The following LRRC2 variants were observed in gnomAD, a reference collection of about 807,000 sequenced individuals.
The protein encoded by LRRC2 is leucine rich repeat containing 2, also known as leucine-rich repeat-containing protein 2.
LRRC2 carries 27 observed loss-of-function variants against 40.2 expected under a neutral mutation model. The observed-to-expected ratio is 0.67, with a 90% confidence interval of 0.49 to 0.93. The LOEUF (loss-of-function observed/expected upper bound fraction) is 0.93, where lower values mean the gene tolerates loss of function less well. Ranked by LOEUF, LRRC2 falls within the 40% of genes least tolerant of loss-of-function variation. The pLI, the probability that LRRC2 is intolerant of heterozygous loss-of-function variation, is 0.00. For missense variants in LRRC2, 402 were observed against 439.6 expected (o/e 0.91, Z 0.76); for synonymous variants, 147 against 158.9 (o/e 0.92, Z 0.56).
chr3:46,557,926 CAG>C (rs1480049160), intron 1 of LRRC2: 2 of 152,254 alleles, frequency 1.3e-5, no homozygotes, highest in African/African-American at 4.8e-5. Flanking sequence ...ATGTGACCCT[CAG>C]GGGCACAGGC....
intron 1 of LRRC2, chr3:46,557,553 T>C (rs1160055929): frequency 6.6e-6 from 1 of 152,260 alleles, no homozygotes; most frequent in Non-Finnish European, 1.5e-5. Flanking sequence ...TCCATTACGT[T>C]TGTGAGCCTA....
chr3:46,516,844 T>A lies in LRRC2; in HGVS notation c.*2170A>T, dbSNP rs1703870301. Reference sequence around the variant, plus strand: ...GCTGGGGACATGCCCAGGTAGAACATCCCTTGTCTCACTGCCCATCACAAG... The same window carrying A: ...GCTGGGGACATGCCCAGGTAGAACAACCCTTGTCTCACTGCCCATCACAAG... On this transcript the variant is annotated 3_prime_UTR_variant, in exon 9 of 9. Coordinates refer to ENST00000395905, the MANE Select transcript of LRRC2 (RefSeq NM_024512.5). 1 of 152,214 alleles carries A rather than the reference T, an allele frequency of 6.6e-6. No individual in the cohort carries two copies. Among genetic ancestry groups the A allele is most frequent in the Non-Finnish European group, 1.5e-5 (1 of 68,102 alleles). The allele number at this position is 152,214 out of a possible 1,614,324, so 9.4% of individuals were successfully genotyped here.
At chr3:46,556,663 C>T (rs112369707) in intron 1 of LRRC2, among the ~76,000 whole-genome samples, 7,155 of 148,290 alleles carry the variant, frequency 0.048, 264 homozygotes, top group South Asian at 0.15. Flanking sequence ...ACTGCAACCT[C>T]AGCCTCCCGG....
chr3:46,532,147 T>C (rs1049394884), intron 5 of LRRC2, among the ~76,000 whole-genome samples: 4 of 152,246 alleles, frequency 2.6e-5, no homozygotes, highest in Non-Finnish European at 5.9e-5. Flanking sequence ...AATTTTACCA[T>C]TGTGGATAAA....
intron 2 of LRRC2, among the ~76,000 whole-genome samples, chr3:46,548,994 GT>G (rs1210931683): frequency 1.3e-5 from 2 of 152,126 alleles, no homozygotes; most frequent in East Asian, 3.9e-4. Context: ...CTCCTGCTGT[GT>G]GGCCCAGTTC....
intron 8 of LRRC2, among the ~76,000 whole-genome samples, chr3:46,520,106 AATTT>A (rs1286881018): frequency 2.7e-5 from 4 of 149,554 alleles, no homozygotes; most frequent in Non-Finnish European, 4.4e-5. Flanking sequence ...AAAACAAATT[AATTT>A]ATTTAAGTAA....
At chr3:46,563,245 A>C (rs1433674191) in intron 1 of LRRC2, among the ~76,000 whole-genome samples, 1 of 151,962 alleles carries the variant, frequency 6.6e-6, no homozygotes, top group East Asian at 1.9e-4. Flanking sequence ...ACTCAACCCC[A>C]TCTTCTACTC....
intron 1 of LRRC2, among the ~76,000 whole-genome samples, chr3:46,564,104 A>C (rs1705007452): frequency 1.3e-5 from 2 of 152,184 alleles, no homozygotes; most frequent in African/African-American, 4.8e-5. Context: ...GAGAGCATCA[A>C]AGGATATATT....
chr3:46,554,514 G>A (rs1352096422), intron 1 of LRRC2, among the ~76,000 whole-genome samples: 11 of 151,968 alleles, frequency 7.2e-5, no homozygotes, highest in Non-Finnish European at 1.3e-4. Flanking sequence ...GCATGGTGGT[G>A]CACACCTGTA....
rs915888564 is a variant in LRRC2, at chr3:46,517,968, G to A, written c.*1046C>T. ...TCTTGGAGGAAGGGACCCTGAGGGCGTTGCCTTTGCTCTTTACTGAGGTGT... is the reference window on the plus strand; with the variant it reads ...TCTTGGAGGAAGGGACCCTGAGGGCATTGCCTTTGCTCTTTACTGAGGTGT... On this transcript the variant is annotated 3_prime_UTR_variant, in exon 9 of 9. Coordinates refer to ENST00000395905, the MANE Select transcript of LRRC2 (RefSeq NM_024512.5). 26 of 152,298 alleles carry A rather than the reference G, an allele frequency of 1.7e-4. No homozygotes were observed. Among genetic ancestry groups the A allele is most frequent in the Non-Finnish European group, 3.1e-4 (21 of 68,144 alleles). The allele number at this position is 152,298 out of a possible 1,614,324, so 9.4% of individuals were successfully genotyped here.
intron 7 of LRRC2, among the ~76,000 whole-genome samples, chr3:46,524,754 T>C (rs1704026178): frequency 6.6e-6 from 1 of 152,368 alleles, no homozygotes; most frequent in South Asian, 2.1e-4. Context: ...TTTCTTTTTA[T>C]ATTTAACTTG....
intron 1 of LRRC2, among the ~76,000 whole-genome samples, chr3:46,551,879 C>A (rs1704664544): frequency 6.6e-6 from 1 of 151,134 alleles, no homozygotes; most frequent in South Asian, 2.1e-4. Flanking sequence ...GCTCCAACTG[C>A]AGCCTCAACC....
rs1470357473 is a variant in LRRC2 at position 46,521,608 on chromosome 3, C to T, written c.980G>A (p.Gly327Asp). Residue 327 changes from glycine (G) to aspartate (D), a missense_variant, in exon 8 of 9, where the codon GGC becomes GAC. Physicochemically the swap from Gly to Asp is moderately conservative, Grantham distance 94. Coordinates refer to ENST00000395905, the MANE Select transcript of LRRC2 (RefSeq NM_024512.5). ...CCGTTCACTTTCCATTATTTCATTG[C>T]CATCTTCACATTGGGCATTATCAAT... ...NPIDNAQCED[G>D]NEIMESERDR... 6.2e-7 allele frequency: 1 copy of T among 1,612,716 alleles called. No homozygotes were observed. The highest frequency in any genetic ancestry group is 1.1e-5 in the South Asian group (1 of 91,056).
At chr3:46,564,714 GA>G (rs1430294633) in intron 1 of LRRC2, among the ~76,000 whole-genome samples, 6 of 152,090 alleles carry the variant, frequency 3.9e-5, no homozygotes, top group Non-Finnish European at 5.9e-5. Flanking sequence ...GCCATGCAGA[GA>G]GAGGCTCTCT....
chr3:46,544,951 TA>T, intron 3 of LRRC2, 94 bp downstream of exon 3: 1 of 1,246,542 alleles, frequency 8.0e-7, no homozygotes, highest in Non-Finnish European at 1.2e-6. Context: ...GAACCTCCTC[TA>T]AAGGCAAAAG....
intron 2 of LRRC2, among the ~76,000 whole-genome samples, chr3:46,547,141 T>G (rs1704543862): frequency 1.3e-5 from 2 of 152,342 alleles, no homozygotes; most frequent in Middle Eastern, 3.4e-3. Context: ...AAATGTCACC[T>G]TCTTAATCAG....
chr3:46,556,576 C>CTTTTT (rs143635012), intron 1 of LRRC2, among the ~76,000 whole-genome samples: 17 of 104,760 alleles, frequency 1.6e-4, no homozygotes, highest in East Asian at 3.0e-4. Flanking sequence ...GTCATTATTT[C>CTTTTT]TTTTTTTTTT....
chr3:46,551,252 G>A (rs752777335), intron 2 of LRRC2: 24 of 408,858 alleles, frequency 5.9e-5, no homozygotes, highest in Non-Finnish European at 8.5e-5. Flanking sequence ...TACCACAAGG[G>A]TGGTGGGTAG....
intron 7 of LRRC2, among the ~76,000 whole-genome samples, chr3:46,524,661 G>A (rs1027439900): frequency 7.9e-5 from 12 of 152,036 alleles, no homozygotes; most frequent in Non-Finnish European, 8.8e-5. Context: ...ATTTTAATAG[G>A]CTGTTATAAA....
Sources: allele counts gnomAD v4.1 joint callset (sites outside exome capture counted in the v4.1 genomes callset), GRCh38; gene constraint gnomAD v4.1.1; transcripts MANE v1.5; gene names NCBI Gene and HGNC (gene_info 2026-07-23, HGNC 2026-07-21).